The following MTA1 variants were observed in gnomAD, a reference collection of about 807,000 sequenced individuals.
MTA1 encodes metastasis-associated protein MTA1.
Under a neutral mutation model 97.0 loss-of-function variants are expected in MTA1, and 15 were observed. The observed-to-expected ratio is 0.15, with a 90% CI of 0.10 to 0.24. The LOEUF (loss-of-function observed/expected upper bound fraction) is 0.24. Ranked by LOEUF, MTA1 falls within the 10% of genes least tolerant of loss-of-function variation. The pLI is 1.00. For synonymous variants in MTA1, 435 were observed against 417.5 expected, an observed-to-expected ratio of 1.04 and a Z score of -0.51; for missense variants, 709 against 1,015.1, an observed-to-expected ratio of 0.70 and a Z score of 4.10.
intron 18 of MTA1, chr14:105,469,235 G>A: frequency 1.6e-6 from 1 of 615,522 alleles, no homozygotes; most frequent in Non-Finnish European, 3.0e-6. Flanking sequence ...CTCCTGCCTG[G>A]AGCCCAAGCC....
At chr14:105,440,462 A>AGTGCCACTGCTGGGAG (rs1204928333) in intron 2 of MTA1, among the ~76,000 whole-genome samples, 7 of 152,208 alleles carry the variant, frequency 4.6e-5, no homozygotes, top group Non-Finnish European at 8.8e-5. Flanking sequence ...CGCCTGGCCG[A>AGTGCCACTGCTGGGAG]GTGCCACTGC....
intron 2 of MTA1, among the ~76,000 whole-genome samples, chr14:105,439,766 G>T (rs1454573458): frequency 1.3e-5 from 2 of 152,114 alleles, no homozygotes; most frequent in African/African-American, 4.8e-5. Flanking sequence ...CCCGATGGCT[G>T]CCTTCTCCTA....
Position 105,420,043 on chromosome 14 carries a change from C to T in MTA1, c.8C>T (p.Ala3Val). Residue 3 changes from alanine (A) to valine (V), a missense_variant, in exon 1 of 21, where the codon GCC becomes GTC. Transcript: ENST00000331320. The surrounding 1 kb of genome is among the most constrained non-coding windows in gnomAD (Gnocchi z 5.3). Reference protein sequence around the residue: MAANMYRVGDYVY... With the variant: MAVNMYRVGDYVY... ...GCCGCCGCCGGCCCGGACATGGCCG[C>T]CAACATGTACAGGGTCGGAGGTAAG... 9.2e-7 allele frequency: 1 copy of T among 1,092,754 alleles called. No homozygotes were observed. Among genetic ancestry groups the T allele is most frequent in the Non-Finnish European group, 1.1e-6 (1 of 889,532 alleles). 67.7% of individuals were successfully genotyped at this position (1,092,754 alleles called of 1,614,324 possible).
chr14:105,422,416 C>A lies in MTA1; in HGVS notation c.28+2353C>A, dbSNP rs587668276. ...TGAGCAGCCTTTGTCCGTCTGTCGC[C>A]GGCTGCCTGGCACGGGCTCCATCTG... On this transcript the variant is annotated intron_variant, in intron 1 of 20. Transcript: ENST00000331320. The surrounding 1 kb of genome is among the most constrained non-coding windows in gnomAD (Gnocchi z 4.3). Among the ~76,000 whole-genome samples, 2 of 152,090 alleles carry A rather than the reference C, an allele frequency of 1.3e-5. No homozygotes were observed. The highest frequency in any genetic ancestry group is 2.9e-5 in the Non-Finnish European group (2 of 68,024).
Position 105,460,749 on chromosome 14 carries a change from C to A in MTA1, c.754-16C>A. On this transcript the variant is annotated splice_polypyrimidine_tract_variant and intron_variant, in intron 9 of 20. Coordinates refer to ENST00000331320, the MANE Select transcript of MTA1 (RefSeq NM_004689.4). ...AGCCACCTTGGCCCGGGTGACCCTG[C>A]TGTCTCCTGCCGCAGTTCCACGCCA... 1 of 1,556,654 alleles carries A rather than the reference C, an allele frequency of 6.4e-7. No homozygotes were observed. Among genetic ancestry groups the A allele is most frequent in the Non-Finnish European group, 8.7e-7 (1 of 1,149,622 alleles).
chr14:105,465,017 TC>T, intron 15 of MTA1, 76 bp from the exon 16 acceptor site: 2 of 1,434,302 alleles, frequency 1.4e-6, no homozygotes, highest in Non-Finnish European at 1.8e-6. Context: ...CAGTGAGGGC[TC>T]CCAGGTCAAG....
At chr14:105,456,726 C>G (rs3936032) in intron 7 of MTA1, among the ~76,000 whole-genome samples, 134,174 of 152,244 alleles carry the variant, frequency 0.88, 61,599 homozygotes, top group Non-Finnish European at 1. Flanking sequence ...TTGTGTGGGT[C>G]ACACCAAGGC....
At chr14:105,464,232 GC>G in intron 13 of MTA1, 85 bp downstream of exon 13, 1 of 1,465,106 alleles carries the variant, frequency 6.8e-7, no homozygotes, top group Non-Finnish European at 9.3e-7. Context: ...CTCCAGCATG[GC>G]CCAGCCTGCA....
At position 105,452,450 on chromosome 14, in the gene MTA1, C is replaced by T. The variant is rs953756769; in HGVS notation, c.433-1743C>T. On this transcript the variant is annotated intron_variant, in intron 6 of 20. Transcript: ENST00000331320. ...TCCCAGCACTTTGGGAGGCCAAGGC[C>T]GGGGGAATCACTTGAGCTCAGGAGT... is the stretch of plus-strand genomic sequence containing the variant. 5.9e-5 allele frequency among the ~76,000 whole-genome samples: 9 copies of T among 152,272 alleles called. No individual in the cohort carries two copies. In the East Asian group the frequency reaches 9.6e-4, roughly 16 times the overall value.
At chr14:105,436,129 C>T (rs587688034) in intron 1 of MTA1, among the ~76,000 whole-genome samples, 17 of 152,130 alleles carry the variant, frequency 1.1e-4, no homozygotes, top group South Asian at 6.2e-4. Flanking sequence ...ATTAACTGGG[C>T]GTGGTGGTAG....
chr14:105,445,635 C>CA lies in MTA1; in HGVS notation c.190+125dup, dbSNP rs782033180. On this transcript the variant is annotated intron_variant, in intron 3 of 20. Coordinates refer to ENST00000331320, the MANE Select transcript of MTA1 (RefSeq NM_004689.4). ...TCGTGGGGCCACCCTCTGCCCAACT[C>CA]ACTCTGGCGTCTCTTTTTCTCCCTT... 12 of 966,732 alleles carry CA rather than the reference C, an allele frequency of 1.2e-5. No homozygotes were observed. In the Admixed American group the frequency reaches 2.4e-4, roughly 19 times the overall value. The allele number at this position is 966,732 out of a possible 1,614,324, so 59.9% of individuals were successfully genotyped here.
In MTA1 at chr14:105,469,407, C is replaced by T. The variant is rs143858013; in HGVS notation, c.1814-60C>T. 3,141 of 1,575,640 alleles carry T rather than the reference C, an allele frequency of 2.0e-3. 7 individuals are homozygous for T. Among genetic ancestry groups the T allele is most frequent in the Middle Eastern group, 0.013 (78 of 5,996 alleles). On this transcript the variant is annotated intron_variant, in intron 18 of 20. Coordinates refer to ENST00000331320, the MANE Select transcript of MTA1 (RefSeq NM_004689.4). ...CCAAGGTGGCTGAGGCCGTGGTGGG[C>T]GGTGGGAGTGCAGGACGCGCTCTCT...
rs782059018 is a variant in MTA1 at position 105,466,512 on chromosome 14, G to A, written c.1711G>A (p.Val571Ile). 21 of 1,443,572 alleles carry A rather than the reference G, an allele frequency of 1.5e-5. No homozygotes were observed. The East Asian group carries it at 1.6e-4, about 11-fold the overall frequency. The allele number at this position is 1,443,572 out of a possible 1,614,324, so 89.4% of individuals were successfully genotyped here. Residue 571 changes from valine to isoleucine, a missense_variant, in exon 17 of 21, where the codon GTC becomes ATC. Physicochemically the swap from Val to Ile is conservative, Grantham distance 29. Coordinates refer to ENST00000331320, the MANE Select transcript of MTA1 (RefSeq NM_004689.4). The part of the protein sequence containing the change: ...SSLTPAKVAP[V>I]INNGSPTILG... ...CCTGACGCCCGCCAAGGTGGCCCCC[G>A]TCATCAACAACGGCTCCCCCACCAT...
chr14:105,423,208 T>C (rs587628232), intron 1 of MTA1, among the ~76,000 whole-genome samples: 1 of 151,384 alleles, frequency 6.6e-6, no homozygotes, highest in Admixed American at 6.6e-5. Context: ...TGGATTTTTT[T>C]TGTTTAATTT....
At chr14:105,454,422 T>G (rs967732782) in intron 7 of MTA1, 112 bp downstream of exon 7, 2 of 781,756 alleles carry the variant, frequency 2.6e-6, no homozygotes, top group African/African-American at 3.4e-5. Flanking sequence ...CATGTGTGAC[T>G]GGGGGCGGCA....
intron 6 of MTA1, among the ~76,000 whole-genome samples, chr14:105,451,479 G>C (rs80324969): frequency 0.16 from 23,636 of 152,298 alleles, 2,547 homozygotes; most frequent in East Asian, 0.46. Context: ...ACAACATGCT[G>C]GGCGGGAGCA....
At chr14:105,427,064 G>A (rs587688308) in intron 1 of MTA1, among the ~76,000 whole-genome samples, 36 of 152,348 alleles carry the variant, frequency 2.4e-4, no homozygotes, top group African/African-American at 5.8e-4. Flanking sequence ...CACGGGCACC[G>A]CCCTGCCGCA....
chr14:105,448,064 C>T (rs1221367678), intron 3 of MTA1, among the ~76,000 whole-genome samples: 2 of 152,174 alleles, frequency 1.3e-5, no homozygotes, highest in Admixed American at 6.5e-5. Flanking sequence ...AAGCCCTCCC[C>T]CCGGCAGGGC....
At position 105,470,278 on chromosome 14, in the gene MTA1, A is replaced by G; in HGVS notation, c.*63A>G. 8.5e-7 allele frequency: 1 copy of G among 1,180,592 alleles called. No individual in the cohort carries two copies. Among genetic ancestry groups the G allele is most frequent in the Non-Finnish European group, 1.0e-6 (1 of 960,422 alleles). The allele number at this position is 1,180,592 out of a possible 1,614,324, so 73.1% of individuals were successfully genotyped here. A position where few individuals can be genotyped will look rare whatever the true frequency, so the allele number is the denominator to read the frequency against. On this transcript the variant is annotated 3_prime_UTR_variant, in exon 21 of 21. Transcript: ENST00000331320. Reference sequence around the variant, plus strand: ...CCGCCCACACGGCCCCTTCCCAGCCAGCCCGCCGCCCGCCCCTCAGTTTGG... The same window carrying G: ...CCGCCCACACGGCCCCTTCCCAGCCGGCCCGCCGCCCGCCCCTCAGTTTGG...
Sources: allele counts gnomAD v4.1 joint callset (sites outside exome capture counted in the v4.1 genomes callset), GRCh38; gene constraint gnomAD v4.1.1; non-coding constraint Gnocchi (gnomAD v3.1); transcripts MANE v1.5; gene names NCBI Gene and HGNC (gene_info 2026-07-23, HGNC 2026-07-21).